Variants in SCFD2 observed in about 807,000 individuals in gnomAD.
SCFD2 encodes the protein sec1 family domain-containing protein 2.
A neutral mutation model predicts 58.9 loss-of-function variants in SCFD2; 54 were observed. That is an observed-to-expected ratio of 0.92 (90% CI 0.74 to 1.15). The LOEUF (loss-of-function observed/expected upper bound fraction) is 1.15, where lower values mean the gene tolerates loss of function less well. SCFD2 is among the 50% of genes most tolerant of loss of function. The pLI, the probability that SCFD2 is intolerant of heterozygous loss-of-function variation, is 0.00. For synonymous variants in SCFD2, 321 were observed against 335.9 expected, an observed-to-expected ratio of 0.96 and a Z score of 0.49; for missense variants, 805 against 836.6, an observed-to-expected ratio of 0.96 and a Z score of 0.47.
intron 5 of SCFD2, 125 bp downstream of exon 5, chr4:53,145,208 G>T: frequency 8.5e-7 from 1 of 1,178,260 alleles, no homozygotes; most frequent in Non-Finnish European, 1.2e-6. Flanking sequence ...CATTCATCAG[G>T]CCTCATGAAA....
chr4:53,132,238 T>G (rs1395291720), intron 5 of SCFD2, among the ~76,000 whole-genome samples: 1 of 152,246 alleles, frequency 6.6e-6, no homozygotes, highest in Non-Finnish European at 1.5e-5. Context: ...TGATACAGTG[T>G]TTAGTAATAT....
At chr4:53,334,518 G>A (rs1189085467) in intron 2 of SCFD2, among the ~76,000 whole-genome samples, 152 of 143,806 alleles carry the variant, frequency 1.1e-3, no homozygotes, top group Non-Finnish European at 1.9e-3. Flanking sequence ...ACCAAACACC[G>A]CATATTCTCA....
chr4:52,910,569 G>A (rs1365942002), intron 6 of SCFD2, among the ~76,000 whole-genome samples: 3 of 152,188 alleles, frequency 2.0e-5, no homozygotes, highest in African/African-American at 7.2e-5. Context: ...GAAGCTTACA[G>A]TTATTTATTT....
chr4:53,133,342 A>G (rs1361302177), intron 5 of SCFD2, among the ~76,000 whole-genome samples: 1 of 151,942 alleles, frequency 6.6e-6, no homozygotes, highest in Non-Finnish European at 1.5e-5. Flanking sequence ...AAAAAAAAAA[A>G]AAAAAAAATT....
At chr4:53,155,906 C>G (rs1381621656) in intron 4 of SCFD2, among the ~76,000 whole-genome samples, 1 of 152,178 alleles carries the variant, frequency 6.6e-6, no homozygotes, top group African/African-American at 2.4e-5. Context: ...ACATTCTTTA[C>G]CTTTTTCACT....
intron 5 of SCFD2, among the ~76,000 whole-genome samples, chr4:53,009,918 A>G (rs757999561): frequency 2.6e-5 from 4 of 151,756 alleles, no homozygotes; most frequent in African/African-American, 4.8e-5. Flanking sequence ...CTTTCCCAAA[A>G]CCCCTTGCAT....
At chr4:52,883,668 C>G (rs1372871178) in intron 8 of SCFD2, among the ~76,000 whole-genome samples, 1 of 152,104 alleles carries the variant, frequency 6.6e-6, no homozygotes, top group African/African-American at 2.4e-5. Context: ...TTCTGAAGAG[C>G]TAAGAATTTG....
Position 53,204,212 on chromosome 4 carries a change from C to T in SCFD2, c.1312-58630G>A, listed in dbSNP as rs1371462594. ...TTTAGATCTCCACTCTTAATCTTTACAACCTGGAACTATCCAATATCTGCA... is the reference window on the plus strand; with the variant it reads ...TTTAGATCTCCACTCTTAATCTTTATAACCTGGAACTATCCAATATCTGCA... On this transcript the variant is annotated intron_variant, in intron 4 of 8. Transcript: ENST00000401642. 2.0e-5 allele frequency among the ~76,000 whole-genome samples: 3 copies of T among 152,004 alleles called. No individual in the cohort carries two copies. The East Asian group carries it at 5.8e-4, about 29-fold the overall frequency.
intron 6 of SCFD2, among the ~76,000 whole-genome samples, chr4:52,916,679 C>T (rs1176496060): frequency 6.6e-6 from 1 of 152,206 alleles, no homozygotes; most frequent in Admixed American, 6.5e-5. Context: ...CCTTTTAAAA[C>T]AAATGGGTGT....
At chr4:53,317,033 G>A (rs150094928) in intron 2 of SCFD2, among the ~76,000 whole-genome samples, 9 of 151,798 alleles carry the variant, frequency 5.9e-5, no homozygotes, top group Middle Eastern at 3.4e-3. Flanking sequence ...TTTGAACCCG[G>A]GAGGTAGAGG....
intron 3 of SCFD2, among the ~76,000 whole-genome samples, chr4:53,278,884 T>TAA (rs1407598335): frequency 4.5e-5 from 5 of 111,450 alleles, no homozygotes; most frequent in Non-Finnish European, 9.2e-5. Context: ...ACAGATGCTC[T>TAA]AAAAAAAAAA....
rs140555472 is a variant in SCFD2 at position 53,250,452 on chromosome 4, T to G, written c.1311+23374A>C. Among the ~76,000 whole-genome samples, 408 of 152,264 alleles carry G rather than the reference T, an allele frequency of 2.7e-3. 14 individuals are homozygous for G. In the East Asian group the frequency reaches 0.069, roughly 26 times the overall value. ...AACTCAGCTCTGCACCAAGCACACC[T>G]AATAGACATCTACAGAACTCTCCAC... On this transcript the variant is annotated intron_variant, in intron 4 of 8. Coordinates refer to ENST00000401642, the MANE Select transcript of SCFD2 (RefSeq NM_152540.4).
intron 5 of SCFD2, among the ~76,000 whole-genome samples, chr4:52,990,727 G>C (rs761210142): frequency 1.3e-5 from 2 of 151,922 alleles, no homozygotes; most frequent in Non-Finnish European, 2.9e-5. Context: ...TGTCTATCTT[G>C]TTCATCATGG....
chr4:53,035,029 C>A (rs185693440), intron 5 of SCFD2, among the ~76,000 whole-genome samples: 1 of 152,264 alleles, frequency 6.6e-6, no homozygotes, highest in African/African-American at 2.4e-5. Flanking sequence ...CAATTCTGGG[C>A]AAGAAGAACA....
At chr4:53,270,863 G>GA (rs1261056597) in intron 4 of SCFD2, among the ~76,000 whole-genome samples, 15 of 151,878 alleles carry the variant, frequency 9.9e-5, no homozygotes, top group African/African-American at 3.4e-4. Flanking sequence ...AAAAACTGGG[G>GA]GAAAAAACAC....
intron 7 of SCFD2, among the ~76,000 whole-genome samples, chr4:52,905,699 A>G (rs1479756331): frequency 6.6e-6 from 1 of 152,242 alleles, no homozygotes; most frequent in African/African-American, 2.4e-5. Context: ...GCTGCCCAGG[A>G]CGATTCTAAA....
chr4:52,882,897 C>T (rs1002584187), intron 8 of SCFD2, among the ~76,000 whole-genome samples: 2 of 152,144 alleles, frequency 1.3e-5, no homozygotes, highest in African/African-American at 4.8e-5. Flanking sequence ...TGGGAGGGGA[C>T]AAATCCTCAT....
intron 8 of SCFD2, among the ~76,000 whole-genome samples, chr4:52,880,342 CA>C (rs1326722306): frequency 6.6e-6 from 1 of 150,866 alleles, no homozygotes; most frequent in East Asian, 1.9e-4. Flanking sequence ...CTGGGTTGGG[CA>C]TGGTGGCTCA....
In SCFD2 at chr4:53,273,939, G is replaced by C; in HGVS notation, c.1198C>G (p.Leu400Val). ...TGGAGGAGGCCACAATGATTCATTA[G>C]AGCTTTGAGGTTGTTCTTGAAGAGC... ...IQLFKNNLKA[L>V]MNHCGLLQLG... The change falls in exon 4 of 9, where the codon CTA (leucine) becomes GTA (valine). Residue 400 changes from leucine to valine, a missense_variant. Physicochemically the swap from Leu to Val is conservative, Grantham distance 32. Transcript: ENST00000401642. 6.2e-7 allele frequency: 1 copy of C among 1,613,964 alleles called. No individual in the cohort carries two copies. Among genetic ancestry groups the C allele is most frequent in the South Asian group, 1.1e-5 (1 of 91,008 alleles).
Sources: gnomAD v4.1 joint callset for allele counts (sites outside exome capture counted in the v4.1 genomes callset) on GRCh38, gnomAD v4.1.1 for gene constraint, MANE v1.5 for transcripts, NCBI Gene and HGNC (gene_info 2026-07-23, HGNC 2026-07-21) for gene names.